Variants in SMOC1 observed in about 807,000 individuals in gnomAD.
SMOC1 encodes SPARC-related modular calcium-binding protein 1.
A neutral mutation model predicts 56.3 loss-of-function variants in SMOC1; 22 were observed. The observed-to-expected ratio is 0.39, with a 90% CI of 0.28 to 0.56. The LOEUF (loss-of-function observed/expected upper bound fraction) is 0.56, where lower values mean the gene tolerates loss of function less well. Among genes scored for constraint, SMOC1 ranks in the 20% least tolerant of loss-of-function variants. SMOC1 has a pLI of 0.61. For missense variants in SMOC1, 509 were observed against 565.4 expected (o/e 0.90, Z 1.01); for synonymous variants, 193 against 215.0 (o/e 0.90, Z 0.89).
At chr14:69,969,818 G>T (rs1284303621) in intron 3 of SMOC1, among the ~76,000 whole-genome samples, 1 of 152,252 alleles carries the variant, frequency 6.6e-6, no homozygotes, top group South Asian at 2.1e-4. Flanking sequence ...AAGTTATTTG[G>T]CCAGAGGACA....
At chr14:69,906,891 G>C (rs1428040626) in intron 1 of SMOC1, among the ~76,000 whole-genome samples, 1 of 152,096 alleles carries the variant, frequency 6.6e-6, no homozygotes, top group African/African-American at 2.4e-5. Context: ...CATGAAACAA[G>C]GGACAGAAAC....
intron 1 of SMOC1, among the ~76,000 whole-genome samples, chr14:69,929,829 G>A (rs929247158): frequency 1.4e-4 from 22 of 152,110 alleles, no homozygotes; most frequent in Non-Finnish European, 2.2e-4. Flanking sequence ...TTTCTTGGTC[G>A]GACAGGGAAG....
At chr14:69,945,864 A>G (rs975246421) in intron 1 of SMOC1, among the ~76,000 whole-genome samples, 1 of 152,254 alleles carries the variant, frequency 6.6e-6, no homozygotes, top group Admixed American at 6.5e-5. Flanking sequence ...ATGGTTGTTT[A>G]GCATGGCTAT....
chr14:69,937,040 T>G (rs765351828), intron 1 of SMOC1, among the ~76,000 whole-genome samples: 1 of 152,220 alleles, frequency 6.6e-6, no homozygotes. Flanking sequence ...AGAACTGCAT[T>G]GAAGGCTGGG....
intron 11 of SMOC1, among the ~76,000 whole-genome samples, chr14:70,026,211 A>G (rs948047319): frequency 1.7e-4 from 26 of 152,216 alleles, no homozygotes; most frequent in African/African-American, 6.0e-4. Context: ...CAGATGGCCA[A>G]TGTCGGGAAG....
intron 1 of SMOC1, among the ~76,000 whole-genome samples, chr14:69,894,981 G>A (rs953958947): frequency 6.6e-6 from 1 of 152,164 alleles, no homozygotes; most frequent in Admixed American, 6.5e-5. Flanking sequence ...CCAGCTAGTG[G>A]CAGAGCCAGA....
chr14:69,922,975 C>T (rs1175110987), intron 1 of SMOC1, among the ~76,000 whole-genome samples: 1 of 149,226 alleles, frequency 6.7e-6, no homozygotes, highest in East Asian at 1.9e-4. Context: ...GATGGAGTCT[C>T]GCTTTGTCGT....
At chr14:69,953,934 C>G (rs1340776351) in intron 3 of SMOC1, among the ~76,000 whole-genome samples, 3 of 152,196 alleles carry the variant, frequency 2.0e-5, no homozygotes, top group African/African-American at 7.2e-5. Context: ...CCTGCCCTCC[C>G]TGCTTTCTAT....
chr14:69,891,067 A>T (rs1230838066), intron 1 of SMOC1, among the ~76,000 whole-genome samples: 2 of 152,274 alleles, frequency 1.3e-5, no homozygotes, highest in East Asian at 3.8e-4. Flanking sequence ...TGTACTCATT[A>T]TTGCAGATGA....
At chr14:69,915,977 G>A (rs1884675714) in intron 1 of SMOC1, among the ~76,000 whole-genome samples, 1 of 152,228 alleles carries the variant, frequency 6.6e-6, no homozygotes, top group East Asian at 1.9e-4. Flanking sequence ...GGTTTAAATA[G>A]CATCTCTATG....
intron 7 of SMOC1, among the ~76,000 whole-genome samples, chr14:69,998,108 A>T (rs1884837384): frequency 6.6e-6 from 1 of 152,128 alleles, no homozygotes; most frequent in Non-Finnish European, 1.5e-5. Flanking sequence ...AGACTCTCCT[A>T]GTCTCCCTCT....
At chr14:69,882,437 T>C (rs2139281649) in intron 1 of SMOC1, among the ~76,000 whole-genome samples, 1 of 152,302 alleles carries the variant, frequency 6.6e-6, no homozygotes, top group Admixed American at 6.5e-5. Flanking sequence ...CTTCCTGCCT[T>C]CCTTCATAAA....
intron 1 of SMOC1, chr14:69,886,210 A>G (rs1883806264): frequency 1.3e-6 from 1 of 762,690 alleles, no homozygotes; most frequent in Admixed American, 2.2e-5. Context: ...TCTAACTTGT[A>G]TTAATCCTCC....
At chr14:69,974,426 A>G (rs918768357) in intron 3 of SMOC1, among the ~76,000 whole-genome samples, 6 of 152,196 alleles carry the variant, frequency 3.9e-5, no homozygotes, top group Admixed American at 2.0e-4. Flanking sequence ...GCTCAGAATC[A>G]GGAGAAACTA....
chr14:70,030,133 G>A (rs1357921392), intron 11 of SMOC1, 109 bp from the exon 12 acceptor site: 1 of 1,535,176 alleles, frequency 6.5e-7, no homozygotes, highest in African/African-American at 1.4e-5. Flanking sequence ...CACTTGTGGG[G>A]AAATTGATGG....
At chr14:69,896,154 A>C (rs921271072) in intron 1 of SMOC1, among the ~76,000 whole-genome samples, 2 of 152,122 alleles carry the variant, frequency 1.3e-5, no homozygotes, top group African/African-American at 4.8e-5. Flanking sequence ...CCCAGTGTGT[A>C]CCTTTCTTTT....
At chr14:69,907,472 C>T (rs913349862) in intron 1 of SMOC1, among the ~76,000 whole-genome samples, 2 of 152,292 alleles carry the variant, frequency 1.3e-5, no homozygotes, top group Middle Eastern at 3.4e-3. Flanking sequence ...TCCTAGTTCT[C>T]CCTTTGTAGT....
rs1387430439 is a variant in SMOC1, at chr14:69,879,631, G to A, written c.-48G>A. The stretch of plus-strand genomic sequence containing the variant: ...AGGGAGGCGCGCTGTGCGCCCCGCG[G>A]AGCCCGCGAACCCCGCTCGCTGCCG... On this transcript the variant is annotated 5_prime_UTR_variant, in exon 1 of 12. Transcript: ENST00000361956. 7.2e-7 allele frequency: 1 copy of A among 1,382,848 alleles called. No homozygotes were observed. The highest frequency in any genetic ancestry group is 1.6e-5 in the South Asian group (1 of 63,626). 85.7% of individuals were successfully genotyped at this position (1,382,848 alleles called of 1,614,324 possible).
At chr14:69,917,494 T>C (rs1332368050) in intron 1 of SMOC1, among the ~76,000 whole-genome samples, 1 of 152,202 alleles carries the variant, frequency 6.6e-6, no homozygotes, top group East Asian at 1.9e-4. Context: ...AATCAATGAA[T>C]GACACATTTA....
Sources: gnomAD v4.1 joint callset for allele counts (sites outside exome capture counted in the v4.1 genomes callset) on GRCh38, gnomAD v4.1.1 for gene constraint, MANE v1.5 for transcripts, NCBI Gene and HGNC (gene_info 2026-07-23, HGNC 2026-07-21) for gene names.